The following MVB12A variants were observed in gnomAD, a reference collection of about 807,000 sequenced individuals.
MVB12A encodes the protein multivesicular body subunit 12A, also known as CIN85/CD2AP family binding protein.
MVB12A carries 30 observed loss-of-function variants against 34.3 expected under a neutral mutation model. The ratio of observed to expected loss-of-function variants is 0.88; its 90% CI spans 0.65 to 1.19. The LOEUF is 1.19. Ranked by LOEUF, MVB12A falls within the 50% of genes most tolerant of loss-of-function variation. MVB12A has a pLI of 0.00. For synonymous variants in MVB12A, 158 were observed against 158.9 expected, an observed-to-expected ratio of 0.99 and a Z score of 0.04; for missense variants, 355 against 369.2, an observed-to-expected ratio of 0.96 and a Z score of 0.31.
chr19:17,406,929 G>C (rs950541919), intron 2 of MVB12A, among the ~76,000 whole-genome samples: 1 of 152,124 alleles, frequency 6.6e-6, no homozygotes, highest in African/African-American at 2.4e-5. Context: ...TACCAGCCTG[G>C]CCAGGACTCC....
chr19:17,415,602 G>C (rs928706512), upstream of MVB12A: 1 of 152,230 alleles, frequency 6.6e-6, no homozygotes, highest in Non-Finnish European at 1.5e-5. Context: ...TAGAATTATT[G>C]CATTTGAGCT....
intron 2 of MVB12A, among the ~76,000 whole-genome samples, chr19:17,407,692 T>C (rs908636700): frequency 6.6e-6 from 1 of 152,184 alleles, no homozygotes; most frequent in South Asian, 2.1e-4. Flanking sequence ...GCGTGACCAC[T>C]GAAGCACAGC....
chr19:17,424,963 G>A lies in MVB12A; in HGVS notation c.792G>A (p.Ala264=), dbSNP rs1311599923. 1 of 1,609,436 alleles carries A rather than the reference G, an allele frequency of 6.2e-7. No homozygotes were observed. The highest frequency in any genetic ancestry group is 1.1e-5 in the South Asian group (1 of 90,588). Reference sequence around the variant, plus strand: ...ACGGCTTCGTGGTGGAGAAGACCGCGGCTGCCCGCCTGCCCCCCAGCGTCT... The same window carrying A: ...ACGGCTTCGTGGTGGAGAAGACCGCAGCTGCCCGCCTGCCCCCCAGCGTCT... ...YNYGFVVEKT[A]AARLPPSVS Residue 264 remains alanine (A), a synonymous_variant, in exon 9 of 9, where the codon GCG becomes GCA. Transcript: ENST00000317040.
chr19:17,410,465 C>T (rs2145751455), intron 2 of MVB12A, among the ~76,000 whole-genome samples: 1 of 140,634 alleles, frequency 7.1e-6, no homozygotes, highest in East Asian at 2.1e-4. Context: ...AGCCACTGCA[C>T]CCAGCCGCTA....
In MVB12A at chr19:17,425,138, C is replaced by G; in HGVS notation, c.*145C>G. 2 of 600,820 alleles carry G rather than the reference C, an allele frequency of 3.3e-6. No homozygotes were observed. Among genetic ancestry groups the G allele is most frequent in the Non-Finnish European group, 5.9e-6 (2 of 339,230 alleles). The allele number at this position is 600,820 out of a possible 1,614,324, so 37.2% of individuals were successfully genotyped here. On this transcript the variant is annotated 3_prime_UTR_variant, in exon 9 of 9. Transcript: ENST00000317040. ...GCAAGGCGTTTGCTATCTTCAGCCA[C>G]TGGGCGGAGCTGCAGCCCTGGAGGA...
chr19:17,408,690 G>A (rs1038218979), intron 2 of MVB12A, among the ~76,000 whole-genome samples: 4 of 150,360 alleles, frequency 2.7e-5, no homozygotes, highest in African/African-American at 9.7e-5. Context: ...CAGGTGATCT[G>A]TCTGACTCAG....
chr19:17,415,115 C>CT (rs1264727278), upstream of MVB12A: 2 of 150,470 alleles, frequency 1.3e-5, no homozygotes, highest in Non-Finnish European at 2.9e-5. Context: ...AATGCCTGAC[C>CT]TTGTTTTTTT....
chr19:17,410,529 T>TATATATATACAC, intron 2 of MVB12A, among the ~76,000 whole-genome samples: 14 of 74,444 alleles, frequency 1.9e-4, no homozygotes, highest in Admixed American at 6.0e-4. Flanking sequence ...TATATATATA[T>TATATATATACAC]ACACACACAC....
chr19:17,412,872 G>C (rs2074777635), intron 2 of MVB12A, among the ~76,000 whole-genome samples: 1 of 152,126 alleles, frequency 6.6e-6, no homozygotes, highest in Admixed American at 6.6e-5. Flanking sequence ...TTTGCACCGG[G>C]GAAAGTAAGC....
chr19:17,417,642 A>G (rs1455888320), upstream of MVB12A: 1 of 151,416 alleles, frequency 6.6e-6, no homozygotes, highest in Admixed American at 6.6e-5. Flanking sequence ...ATTTTAAAAA[A>G]TAAAATAAAT....
chr19:17,424,709 A>G, intron 8 of MVB12A, 32 bp downstream of exon 8: 2 of 1,571,942 alleles, frequency 1.3e-6, no homozygotes, highest in Non-Finnish European at 8.6e-7. Flanking sequence ...AGGTGGGTGC[A>G]GGGCTAGGGA....
Position 17,423,521 on chromosome 19 carries a change from G to A in MVB12A, c.437G>A (p.Trp146Ter). The part of the protein sequence containing the change: ...RIGDMGGFAI[W>*]CKKAKAPRPV... ...AGGGACATGGGCGGCTTTGCCATCT[G>A]GTGCAAGAAGGCCAAGGCCCCGAGG... Residue 146 changes from tryptophan (W) to a stop codon, truncating the protein, a stop_gained, in exon 5 of 9, where the codon TGG becomes TAG. Coordinates refer to ENST00000317040, the MANE Select transcript of MVB12A (RefSeq NM_138401.4). LOFTEE classifies it high-confidence loss of function. 1.2e-6 allele frequency: 2 copies of A among 1,613,324 alleles called. No homozygotes were observed. The highest frequency in any genetic ancestry group is 1.7e-6 in the Non-Finnish European group (2 of 1,180,012).
At chr19:17,418,791 ACTCAAGCGATCCTCCCAC>A (rs904029858), upstream of MVB12A, 25 of 149,262 alleles carry the variant, frequency 1.7e-4, no homozygotes, top group African/African-American at 6.2e-4. Flanking sequence ...AAACTCCTGG[ACTCAAGCGATCCTCCCAC>A]CTCAGCCTCC....
At chr19:17,409,508 A>G (rs1350129704) in intron 2 of MVB12A, among the ~76,000 whole-genome samples, 2 of 120,594 alleles carry the variant, frequency 1.7e-5, no homozygotes, top group East Asian at 5.3e-4. Context: ...GAGTGCAATG[A>G]TGCAATCTTA....
chr19:17,425,194 G>T lies in MVB12A; in HGVS notation c.*201G>T, dbSNP rs2074864412. ...CGGGTCGAGGCTGCGTGGTGATGGG[G>T]TCTCCGCCCCCACGCCCTGCCGGGC... On this transcript the variant is annotated 3_prime_UTR_variant, in exon 9 of 9. Transcript: ENST00000317040. 1.9e-6 allele frequency: 1 copy of T among 537,710 alleles called. No homozygotes were observed. 33.3% of individuals were successfully genotyped at this position (537,710 alleles called of 1,614,324 possible). A position where few individuals can be genotyped will look rare whatever the true frequency, so the allele number is the denominator to read the frequency against.
At chr19:17,420,012 T>TCC (rs1652765104), upstream of MVB12A, 5 of 297,658 alleles carry the variant, frequency 1.7e-5, no homozygotes, top group African/African-American at 1.9e-4. Context: ...CCGGGCAATC[T>TCC]CCGCCCCCCC....
rs373127253 is a variant in MVB12A at position 17,410,497 on chromosome 19, CATATATATATATATATATAT to C, written c.-5+4215_-5+4234del. On this transcript the variant is annotated intron_variant, in intron 2 of 6. Transcript: ENST00000528604. ...GCTAGCATTCTTTTGGTTTTAGCTT[CATATATATATATATATATAT>C]ATATATATATATACACACACACATA... Among the ~76,000 whole-genome samples the C allele has an allele frequency of 3.5e-4, 27 of 77,624 alleles. 1 individual carries two copies. The highest frequency in any genetic ancestry group is 1.2e-3 in the Admixed American group (8 of 6,414). The allele number at this position is 77,624 out of a possible 152,430, so 50.9% of individuals were successfully genotyped here.
At chr19:17,410,529 T>TATATACACACACACACACACAC in intron 2 of MVB12A, among the ~76,000 whole-genome samples, 8 of 74,442 alleles carry the variant, frequency 1.1e-4, no homozygotes, top group Non-Finnish European at 4.9e-5. Context: ...TATATATATA[T>TATATACACACACACACACACAC]ACACACACAC....
At chr19:17,406,171 G>GA (rs1273031724) in exon 2 of MVB12A, 13 of 152,328 alleles carry the variant, frequency 8.5e-5, no homozygotes, top group African/African-American at 3.1e-4. Context: ...CAACAGGTGA[G>GA]ACTGGAGCCA....
Sources: gnomAD v4.1 joint callset for allele counts (sites outside exome capture counted in the v4.1 genomes callset) on GRCh38, gnomAD v4.1.1 for gene constraint, MANE v1.5 for transcripts, NCBI Gene and HGNC (gene_info 2026-07-23, HGNC 2026-07-21) for gene names.